Variants in FSTL5 observed in about 807,000 individuals in gnomAD.
FSTL5 encodes follistatin-related protein 5.
A neutral mutation model predicts 89.1 loss-of-function variants in FSTL5; 62 were observed. That is an observed-to-expected ratio of 0.70 (90% CI 0.57 to 0.86). The LOEUF (loss-of-function observed/expected upper bound fraction) is 0.86, where lower values mean the gene tolerates loss of function less well. Ranked by LOEUF, FSTL5 falls within the 40% of genes least tolerant of loss-of-function variation. The probability of loss-of-function intolerance (pLI) is 0.00; values close to 1 mark genes in which losing one functional copy is unlikely to be tolerated. For synonymous variants in FSTL5, 383 were observed against 346.2 expected (o/e 1.11, Z -1.18); for missense variants, 1,057 against 1,001.6 (o/e 1.06, Z -0.75).
At chr4:162,007,435 TAA>T (rs1221674268) in intron 3 of FSTL5, among the ~76,000 whole-genome samples, 1 of 151,816 alleles carries the variant, frequency 6.6e-6, no homozygotes, top group African/African-American at 2.4e-5. Context: ...ATTTTTCAAA[TAA>T]AAATGTAATA....
intron 2 of FSTL5, among the ~76,000 whole-genome samples, chr4:162,098,652 T>C (rs1730864411): frequency 6.6e-6 from 1 of 151,932 alleles, no homozygotes; most frequent in Admixed American, 6.6e-5. Flanking sequence ...GGACTAGCAA[T>C]ACTAAATTTC....
chr4:161,560,683 T>C (rs557823164), intron 8 of FSTL5, among the ~76,000 whole-genome samples: 132 of 151,974 alleles, frequency 8.7e-4, no homozygotes, highest in African/African-American at 3.0e-3. Context: ...AGGGGACCTG[T>C]GTAGGTCCTG....
chr4:162,069,005 C>T (rs148453459), intron 2 of FSTL5, among the ~76,000 whole-genome samples: 3,506 of 152,068 alleles, frequency 0.023, 71 homozygotes, highest in East Asian at 0.04. Flanking sequence ...TATCATCTCA[C>T]ACCACTCAGA....
At chr4:161,639,316 G>A (rs1196433906) in intron 7 of FSTL5, among the ~76,000 whole-genome samples, 1 of 152,132 alleles carries the variant, frequency 6.6e-6, no homozygotes, top group African/African-American at 2.4e-5. Flanking sequence ...TACTTGATGG[G>A]ATTGGCAAGA....
At chr4:161,983,722 G>A (rs1735888621) in intron 3 of FSTL5, among the ~76,000 whole-genome samples, 1 of 152,076 alleles carries the variant, frequency 6.6e-6, no homozygotes, top group Admixed American at 6.5e-5. Context: ...ATGAATACAT[G>A]TTTTTCAATA....
chr4:162,034,724 G>A (rs1267555960), intron 2 of FSTL5, among the ~76,000 whole-genome samples: 1 of 152,134 alleles, frequency 6.6e-6, no homozygotes, highest in Non-Finnish European at 1.5e-5. Context: ...CTGCAGAACT[G>A]TATGAATGCC....
At chr4:161,458,626 G>T (rs777652640) in intron 14 of FSTL5, among the ~76,000 whole-genome samples, 1 of 152,076 alleles carries the variant, frequency 6.6e-6, no homozygotes, top group Non-Finnish European at 1.5e-5. Context: ...CATTTCCAGG[G>T]CCAAAAACTC....
chr4:161,992,702 G>T (rs1560957103), intron 3 of FSTL5, among the ~76,000 whole-genome samples: 1 of 150,898 alleles, frequency 6.6e-6, no homozygotes, highest in Non-Finnish European at 1.5e-5. Context: ...AAATTAGCTG[G>T]GAGTGGTGGT....
At chr4:161,844,788 C>G (rs1221987083) in intron 4 of FSTL5, among the ~76,000 whole-genome samples, 1 of 151,624 alleles carries the variant, frequency 6.6e-6, no homozygotes, top group Non-Finnish European at 1.5e-5. Context: ...TGGGGCCTGT[C>G]GGGGGCTTGG....
rs923017134 is a variant in FSTL5 at position 161,803,060 on chromosome 4, GAAAC to G, written c.410-26990_410-26987del. ...GTGAATTAATTTGCCGCTGTGTTAA[GAAAC>G]AAACAAACAAACAAAAAACCACTAC... On this transcript the variant is annotated intron_variant, in intron 4 of 15. Coordinates refer to ENST00000306100, the MANE Select transcript of FSTL5 (RefSeq NM_020116.5). 1.1e-4 allele frequency among the ~76,000 whole-genome samples: 16 copies of G among 151,890 alleles called. 1 individual carries two copies. Among genetic ancestry groups the G allele is most frequent in the East Asian group, 3.9e-4 (2 of 5,184 alleles).
intron 2 of FSTL5, among the ~76,000 whole-genome samples, chr4:162,067,276 G>A (rs1164317809): frequency 1.3e-5 from 2 of 151,966 alleles, no homozygotes; most frequent in Non-Finnish European, 2.9e-5. Flanking sequence ...TGTTCTCAGA[G>A]TCCTGGGCTC....
chr4:161,774,606 A>C (rs1055416109), intron 5 of FSTL5, among the ~76,000 whole-genome samples: 1 of 152,102 alleles, frequency 6.6e-6, no homozygotes, highest in African/African-American at 2.4e-5. Flanking sequence ...GGTGGTGCAG[A>C]TATGTTAATA....
rs72981118 is a variant in FSTL5 at position 161,852,147 on chromosome 4, T to C, written c.409+68257A>G. Among the ~76,000 whole-genome samples the C allele has an allele frequency of 6.7e-3, 1,001 of 149,700 alleles. 11 individuals carry two copies. Among genetic ancestry groups the C allele is most frequent in the African/African-American group, 0.022 (899 of 40,756 alleles). On this transcript the variant is annotated intron_variant, in intron 4 of 15. Coordinates refer to ENST00000306100, the MANE Select transcript of FSTL5 (RefSeq NM_020116.5). ...GACCCTCACCCTTTCAAAGTACTAATTGAATACACTCTTTCAACATAGGTA... is the reference window on the plus strand; with the variant it reads ...GACCCTCACCCTTTCAAAGTACTAACTGAATACACTCTTTCAACATAGGTA...
chr4:161,966,417 C>G (rs1004343190), intron 3 of FSTL5, among the ~76,000 whole-genome samples: 74 of 151,952 alleles, frequency 4.9e-4, no homozygotes, highest in Admixed American at 4.8e-3. Flanking sequence ...TATTAAAAAG[C>G]CTATTATTGG....
In FSTL5 at chr4:161,525,229, A is replaced by G. The variant is rs372934773; in HGVS notation, c.1312+12937T>C. Among the ~76,000 whole-genome samples, 18 of 152,294 alleles carry G rather than the reference A, an allele frequency of 1.2e-4. No homozygotes were observed. The East Asian group carries it at 3.3e-3, about 28-fold the overall frequency. On this transcript the variant is annotated intron_variant, in intron 10 of 15. Coordinates refer to ENST00000306100, the MANE Select transcript of FSTL5 (RefSeq NM_020116.5). ...GGACTTCAAGACTTTCTAAAAATAGAGAATTGATGTATTCAGTGTTGACCA... is the reference window on the plus strand; with the variant it reads ...GGACTTCAAGACTTTCTAAAAATAGGGAATTGATGTATTCAGTGTTGACCA...
chr4:161,913,533 A>T (rs529015621), intron 4 of FSTL5, among the ~76,000 whole-genome samples: 1 of 152,178 alleles, frequency 6.6e-6, no homozygotes. Flanking sequence ...ACCTCCACCT[A>T]GATTTCAGAA....
intron 1 of FSTL5, among the ~76,000 whole-genome samples, chr4:162,134,772 T>C (rs930444525): frequency 1.7e-4 from 26 of 152,276 alleles, no homozygotes; most frequent in Non-Finnish European, 3.1e-4. Context: ...TGCTCACAAC[T>C]CAATCTTATG....
chr4:161,870,515 C>T (rs894002803), intron 4 of FSTL5, among the ~76,000 whole-genome samples: 6 of 152,166 alleles, frequency 3.9e-5, no homozygotes, highest in African/African-American at 1.4e-4. Context: ...ATCATAGAGT[C>T]GTCCATGAAT....
At chr4:161,944,139 T>C (rs2110932232) in intron 3 of FSTL5, among the ~76,000 whole-genome samples, 1 of 152,294 alleles carries the variant, frequency 6.6e-6, no homozygotes, top group Non-Finnish European at 1.5e-5. Flanking sequence ...GTTATCTAGC[T>C]TCAGCTTGCA....
Sources: gnomAD v4.1 joint callset for allele counts (sites outside exome capture counted in the v4.1 genomes callset) on GRCh38, gnomAD v4.1.1 for gene constraint, MANE v1.5 for transcripts, NCBI Gene and HGNC (gene_info 2026-07-23, HGNC 2026-07-21) for gene names.